Variants in EML1 observed in about 807,000 individuals in gnomAD.
EML1 encodes the protein EMAP like 1.
In EML1, 27 loss-of-function variants were observed where a neutral mutation model predicts 110.4. The ratio of observed to expected loss-of-function variants is 0.24; its 90% CI spans 0.18 to 0.34. The LOEUF (loss-of-function observed/expected upper bound fraction) is 0.34. EML1 is among the 10% of genes least tolerant of loss of function. The pLI is 1.00. For missense variants in EML1, 741 were observed against 1,030.9 expected (o/e 0.72, Z 3.85); for synonymous variants, 344 against 385.8 (o/e 0.89, Z 1.27).
At chr14:99,772,315 T>C (rs147028664), upstream of EML1, among the ~76,000 whole-genome samples, 3 of 152,360 alleles carry the variant, frequency 2.0e-5, no homozygotes, top group East Asian at 5.8e-4. Context: ...GGGCAGAGTT[T>C]ACATGCTAAA....
intron 1 of EML1, among the ~76,000 whole-genome samples, chr14:99,817,499 C>T (rs1050639295): frequency 5.3e-5 from 8 of 152,190 alleles, no homozygotes; most frequent in African/African-American, 1.7e-4. Context: ...GCCCAGGTGC[C>T]GCCACCATGG....
chr14:99,927,237 G>C (rs2060251096), intron 17 of EML1, among the ~76,000 whole-genome samples: 1 of 152,138 alleles, frequency 6.6e-6, no homozygotes, highest in African/African-American at 2.4e-5. Flanking sequence ...TGACTTACTA[G>C]TTTCTGTTAA....
rs188956322 is a variant in EML1, at chr14:99,851,107, T to C, written c.250+72T>C. 62 of 1,484,364 alleles carry C rather than the reference T, an allele frequency of 4.2e-5. 1 individual carries two copies. The highest frequency in any genetic ancestry group is 1.8e-4 in the African/African-American group (13 of 72,174). The allele number at this position is 1,484,364 out of a possible 1,614,324, so 91.9% of individuals were successfully genotyped here. A position where few individuals can be genotyped will look rare whatever the true frequency, so the allele number is the denominator to read the frequency against. ...GCAGAATCTTGCTCTAGCAAACACA[T>C]TGTGCTCTTTAATATTGACAGAGAA... On this transcript the variant is annotated intron_variant, in intron 2 of 21. Coordinates refer to ENST00000262233, the MANE Select transcript of EML1 (RefSeq NM_004434.3).
chr14:99,763,963 G>C (rs1425089226), intron 1 of EML1, among the ~76,000 whole-genome samples: 1 of 152,176 alleles, frequency 6.6e-6, no homozygotes, highest in Non-Finnish European at 1.5e-5. Context: ...AAGGCAGCTG[G>C]GGGTGTGTTG....
intron 17 of EML1, among the ~76,000 whole-genome samples, chr14:99,929,868 G>C (rs1464050708): frequency 2.0e-5 from 3 of 152,218 alleles, no homozygotes; most frequent in Non-Finnish European, 4.4e-5. Flanking sequence ...ATGATGAAAT[G>C]ATGAGGGCTT....
At chr14:99,756,283 G>T (rs1171850646) in intron 1 of EML1, among the ~76,000 whole-genome samples, 1 of 152,218 alleles carries the variant, frequency 6.6e-6, no homozygotes, top group African/African-American at 2.4e-5. Flanking sequence ...GGTGGTGGGG[G>T]CAGGGTCAGG....
At chr14:99,741,143 T>C (rs750729406) in intron 1 of EML1, among the ~76,000 whole-genome samples, 10 of 152,178 alleles carry the variant, frequency 6.6e-5, no homozygotes, top group Non-Finnish European at 1.3e-4. Flanking sequence ...TCACTTAACT[T>C]CTGTGAGCCT....
chr14:99,867,197 A>G (rs2059117534), intron 3 of EML1, among the ~76,000 whole-genome samples: 1 of 152,124 alleles, frequency 6.6e-6, no homozygotes, highest in Non-Finnish European at 1.5e-5. Flanking sequence ...ATCTGTCCTT[A>G]TGGCCAATAC....
chr14:99,737,937 G>T (rs1595219522), intron 1 of EML1: 5 of 1,259,978 alleles, frequency 4.0e-6, no homozygotes, highest in African/African-American at 3.1e-5. Flanking sequence ...GGGCACTGGG[G>T]CCCCCGCAGG....
intron 9 of EML1, among the ~76,000 whole-genome samples, chr14:99,906,618 C>T (rs1413450106): frequency 6.6e-6 from 1 of 152,178 alleles, no homozygotes; most frequent in Non-Finnish European, 1.5e-5. Flanking sequence ...TGTCTTGTGC[C>T]AACCTCCTAT....
At chr14:99,880,417 G>A (rs994854860) in intron 4 of EML1, among the ~76,000 whole-genome samples, 3 of 152,078 alleles carry the variant, frequency 2.0e-5, no homozygotes, top group African/African-American at 7.3e-5. Context: ...GTATTCCCAC[G>A]TGCGCAGCCC....
At chr14:99,767,842 C>T (rs1183024379) in intron 1 of EML1, among the ~76,000 whole-genome samples, 4 of 152,176 alleles carry the variant, frequency 2.6e-5, no homozygotes, top group Non-Finnish European at 5.9e-5. Flanking sequence ...ACATCTGTCA[C>T]CTTCAACAAG....
intron 1 of EML1, among the ~76,000 whole-genome samples, chr14:99,783,246 G>T (rs1220234380): frequency 6.7e-6 from 1 of 149,498 alleles, no homozygotes; most frequent in East Asian, 2.0e-4. Context: ...GCGGTGTCTG[G>T]TTTTTTGTCC....
chr14:99,762,357 C>G (rs375768754), intron 1 of EML1, among the ~76,000 whole-genome samples: 1 of 152,106 alleles, frequency 6.6e-6, no homozygotes, highest in East Asian at 1.9e-4. Flanking sequence ...GCCCCCTGAA[C>G]AAGAAACAGA....
chr14:99,746,917 G>A (rs902709173), intron 1 of EML1, among the ~76,000 whole-genome samples: 2 of 152,096 alleles, frequency 1.3e-5, no homozygotes, highest in South Asian at 2.1e-4. Flanking sequence ...CATCTGCCGC[G>A]CCCTGCCCTG....
intron 12 of EML1, among the ~76,000 whole-genome samples, chr14:99,910,723 C>A: frequency 6.6e-6 from 1 of 152,126 alleles, no homozygotes; most frequent in East Asian, 1.9e-4. Context: ...TTATTGAAAG[C>A]TAATTATGTG....
At chr14:99,831,494 G>A (rs2058452888) in intron 1 of EML1, among the ~76,000 whole-genome samples, 1 of 152,188 alleles carries the variant, frequency 6.6e-6, no homozygotes, top group South Asian at 2.1e-4. Context: ...GTGGAATCTG[G>A]CATCAGGAAT....
intron 1 of EML1, among the ~76,000 whole-genome samples, chr14:99,775,803 C>T (rs921007880): frequency 2.0e-5 from 3 of 152,164 alleles, no homozygotes; most frequent in Non-Finnish European, 2.9e-5. Context: ...TTAGCCTCTC[C>T]GCTCCTTTGT....
chr14:99,802,448 G>C (rs2057898494), intron 1 of EML1, among the ~76,000 whole-genome samples: 2 of 151,998 alleles, frequency 1.3e-5, no homozygotes, highest in African/African-American at 2.4e-5. Context: ...AGAGGTGGGG[G>C]GCCATGGCAG....
Sources: gnomAD v4.1 joint callset for allele counts (sites outside exome capture counted in the v4.1 genomes callset) on GRCh38, gnomAD v4.1.1 for gene constraint, MANE v1.5 for transcripts, NCBI Gene and HGNC (gene_info 2026-07-23, HGNC 2026-07-21) for gene names.